ANKRD28: variants seen among roughly 807,000 people sequenced by gnomAD.
ANKRD28 encodes the protein ankyrin repeat domain 28.
ANKRD28 carries 44 observed loss-of-function variants against 126.5 expected under a neutral mutation model. That is an observed-to-expected ratio of 0.35 (90% CI 0.27 to 0.45). The LOEUF is 0.45. ANKRD28 is among the 20% of genes least tolerant of loss of function. The probability of loss-of-function intolerance (pLI) is 1.00; values close to 1 mark genes in which losing one functional copy is unlikely to be tolerated. For synonymous variants in ANKRD28, 442 were observed against 468.5 expected (o/e 0.94, Z 0.73); for missense variants, 1,110 against 1,316.6 (o/e 0.84, Z 2.43).
chr3:15,762,214 C>CA (rs778300634), intron 3 of ANKRD28, among the ~76,000 whole-genome samples: 8 of 52,548 alleles, frequency 1.5e-4, no homozygotes, highest in Non-Finnish European at 4.0e-4. Context: ...AAAAAAAAAA[C>CA]AAAACAAAAA....
At chr3:15,829,429 C>T (rs2061141466) in intron 1 of ANKRD28, among the ~76,000 whole-genome samples, 1 of 152,036 alleles carries the variant, frequency 6.6e-6, no homozygotes, top group South Asian at 2.1e-4. Context: ...CAAAGCTTGA[C>T]AAGTGATATC....
intron 2 of ANKRD28, among the ~76,000 whole-genome samples, chr3:15,789,686 T>C (rs1343662440): frequency 6.6e-6 from 1 of 152,058 alleles, no homozygotes; most frequent in Admixed American, 6.6e-5. Context: ...TTATTATATC[T>C]GTGGCCAAAA....
intron 27 of ANKRD28, 55 bp downstream of exon 27, chr3:15,675,843 T>C (rs2066878596): frequency 2.9e-6 from 4 of 1,372,292 alleles, no homozygotes; most frequent in South Asian, 1.4e-5. Context: ...TCTTCAAATA[T>C]GGATCAAAAG....
In ANKRD28 at chr3:15,707,951, T is replaced by C. The variant is rs770844241; in HGVS notation, c.1520A>G (p.Tyr507Cys). The change falls in exon 14 of 28, where the codon TAT (tyrosine) becomes TGT (cysteine). Residue 507 changes from tyrosine to cysteine, a missense_variant. By Grantham distance (194) the Tyr-to-Cys change is radical. Coordinates refer to ENST00000683139, the MANE Select transcript of ANKRD28 (RefSeq NM_001349278.2). ...GCCATCTGTGTCTGATGTAGCTGCA[T>C]AGTGCAGGGGTGTGCAGCCTCTTTC... is the stretch of plus-strand genomic sequence containing the variant. Reference protein sequence around the residue: ...LDERGCTPLHYAATSDTDGKC... With the variant: ...LDERGCTPLHCAATSDTDGKC... 2.5e-6 allele frequency: 4 copies of C among 1,612,922 alleles called. No individual in the cohort carries two copies. The highest frequency in any genetic ancestry group is 2.2e-5 in the South Asian group (2 of 90,846).
chr3:15,799,479 T>C (rs1575729471), upstream of ANKRD28, among the ~76,000 whole-genome samples: 1 of 152,020 alleles, frequency 6.6e-6, no homozygotes, highest in Non-Finnish European at 1.5e-5. Flanking sequence ...AGTTATATTT[T>C]AAAATATATA....
chr3:15,708,328 C>A (rs985376923), intron 13 of ANKRD28, among the ~76,000 whole-genome samples: 1 of 152,120 alleles, frequency 6.6e-6, no homozygotes, highest in African/African-American at 2.4e-5. Context: ...CAGTCCCAGT[C>A]CTTTGAGTGA....
intron 17 of ANKRD28, among the ~76,000 whole-genome samples, chr3:15,692,176 G>A (rs1443518507): frequency 6.6e-6 from 1 of 151,196 alleles, no homozygotes; most frequent in Non-Finnish European, 1.5e-5. Context: ...ATGAGGTTGG[G>A]CATGGTCACT....
rs1351402342 is a variant in ANKRD28, at chr3:15,670,285, A to G, written c.3237T>C (p.Asp1079=). 1 of 1,613,430 alleles carries G rather than the reference A, an allele frequency of 6.2e-7. No individual in the cohort carries two copies. The highest frequency in any genetic ancestry group is 8.5e-7 in the Non-Finnish European group (1 of 1,179,358). Residue 1079 remains aspartate (D), a synonymous_variant, in exon 28 of 28, where the codon GAT becomes GAC. Coordinates refer to ENST00000683139, the MANE Select transcript of ANKRD28 (RefSeq NM_001349278.2). ...YTDVDELNDS[D]SETY The stretch of plus-strand genomic sequence containing the variant: ...CCTCAGCCTCTCAGTAGGTCTCAGA[A>G]TCGGAGTCGTTGAGCTCATCCACGT...
chr3:15,791,542 T>C (rs2060027424), intron 2 of ANKRD28, among the ~76,000 whole-genome samples: 1 of 152,184 alleles, frequency 6.6e-6, no homozygotes, highest in Non-Finnish European at 1.5e-5. Flanking sequence ...TAAATGGTGC[T>C]GGGAAACTGG....
chr3:15,725,058 A>C (rs554972996), intron 6 of ANKRD28, among the ~76,000 whole-genome samples: 1 of 152,332 alleles, frequency 6.6e-6, no homozygotes, highest in South Asian at 2.1e-4. Flanking sequence ...AATTAAAAAG[A>C]ATGTTGGCCC....
At chr3:15,791,504 T>C (rs1037356041) in intron 2 of ANKRD28, among the ~76,000 whole-genome samples, 23 of 151,886 alleles carry the variant, frequency 1.5e-4, no homozygotes, top group Non-Finnish European at 1.5e-4. Context: ...GCCAAGAACA[T>C]ACACTGGGAA....
chr3:15,726,098 T>C (rs1329906557), intron 6 of ANKRD28, among the ~76,000 whole-genome samples: 1 of 152,138 alleles, frequency 6.6e-6, no homozygotes, highest in Non-Finnish European at 1.5e-5. Context: ...CATTCCCCCA[T>C]CTATCTCCTC....
Position 15,721,588 on chromosome 3 carries a change from A to G in ANKRD28, c.784-461T>C, listed in dbSNP as rs192760671. On this transcript the variant is annotated intron_variant, in intron 7 of 27. Transcript: ENST00000683139. Reference sequence around the variant, plus strand: ...TAACCTTAGTAATAAAGTACAGATCAAGATTTAAAAAAAAATGAACGGCAT... The same window carrying G: ...TAACCTTAGTAATAAAGTACAGATCGAGATTTAAAAAAAAATGAACGGCAT... 2.7e-3 allele frequency among the ~76,000 whole-genome samples: 414 copies of G among 152,338 alleles called. 1 individual carries two copies. The highest frequency in any genetic ancestry group is 9.6e-3 in the African/African-American group (400 of 41,586).
chr3:15,842,448 G>C (rs2061442868), intron 1 of ANKRD28, among the ~76,000 whole-genome samples: 1 of 152,016 alleles, frequency 6.6e-6, no homozygotes, highest in Non-Finnish European at 1.5e-5. Context: ...GGGTAGTTGG[G>C]GGATGGAGGG....
intron 14 of ANKRD28, among the ~76,000 whole-genome samples, chr3:15,697,779 T>C (rs1033093186): frequency 1.6e-4 from 25 of 152,208 alleles, no homozygotes; most frequent in African/African-American, 5.5e-4. Context: ...TCTTTTTCTA[T>C]TGTTTGGAAT....
At chr3:15,692,613 C>A (rs1260638570) in intron 17 of ANKRD28, among the ~76,000 whole-genome samples, 2 of 152,184 alleles carry the variant, frequency 1.3e-5, no homozygotes, top group Non-Finnish European at 2.9e-5. Context: ...CAAGGCCAGT[C>A]TCCTTAAGCC....
intron 1 of ANKRD28, among the ~76,000 whole-genome samples, chr3:15,858,218 T>C (rs578108353): frequency 6.6e-6 from 1 of 152,372 alleles, no homozygotes; most frequent in South Asian, 2.1e-4. Flanking sequence ...GTGGCTCTCT[T>C]ATAGGACAGA....
chr3:15,756,830 A>T (rs907052888), intron 3 of ANKRD28, among the ~76,000 whole-genome samples: 3 of 152,200 alleles, frequency 2.0e-5, no homozygotes, highest in Non-Finnish European at 4.4e-5. Flanking sequence ...GGAGTATCCC[A>T]TTTGACTCCA....
At chr3:15,792,949 G>T (rs772026770) in intron 2 of ANKRD28, among the ~76,000 whole-genome samples, 1 of 152,016 alleles carries the variant, frequency 6.6e-6, no homozygotes, top group South Asian at 2.1e-4. Context: ...AAACCTCAGG[G>T]TGTGACTAAA....
Sources: gnomAD v4.1 joint callset for allele counts (sites outside exome capture counted in the v4.1 genomes callset) on GRCh38, gnomAD v4.1.1 for gene constraint, MANE v1.5 for transcripts, NCBI Gene and HGNC (gene_info 2026-07-23, HGNC 2026-07-21) for gene names.